Variants in PHKB observed in about 807,000 individuals in gnomAD.
PHKB encodes phosphorylase b kinase regulatory subunit beta.
In PHKB, 122 loss-of-function variants were observed where a neutral mutation model predicts 152.1. That is an observed-to-expected ratio of 0.80 (90% CI 0.69 to 0.93). PHKB has a LOEUF of 0.93. Among genes scored for constraint, PHKB ranks in the 40% least tolerant of loss-of-function variants. PHKB has a pLI of 0.00. For synonymous variants in PHKB, 436 were observed against 464.9 expected, an observed-to-expected ratio of 0.94 and a Z score of 0.80; for missense variants, 1,304 against 1,328.4, an observed-to-expected ratio of 0.98 and a Z score of 0.29.
chr16:47,539,542 C>T (rs372295424), intron 6 of PHKB, among the ~76,000 whole-genome samples: 2 of 151,644 alleles, frequency 1.3e-5, no homozygotes, highest in East Asian at 1.9e-4. Context: ...TGGATACATT[C>T]CATTGGAGCA....
chr16:47,613,465 GC>G (rs1972463610), intron 14 of PHKB, among the ~76,000 whole-genome samples: 1 of 152,152 alleles, frequency 6.6e-6, no homozygotes, highest in South Asian at 2.1e-4. Flanking sequence ...GCACCAGCCA[GC>G]CCCACAGGGA....
At chr16:47,592,115 A>G (rs1442549720) in intron 10 of PHKB, among the ~76,000 whole-genome samples, 19 of 152,232 alleles carry the variant, frequency 1.2e-4, no homozygotes, top group Admixed American at 1.2e-3. Context: ...CCACAATGTC[A>G]GTAGTGCTGA....
chr16:47,590,230 T>C (rs536226058), intron 10 of PHKB: 2 of 152,224 alleles, frequency 1.3e-5, no homozygotes, highest in African/African-American at 4.8e-5. Context: ...TTTTAAAATT[T>C]AACATACACT....
At chr16:47,635,417 A>G (rs1972901596) in intron 14 of PHKB, among the ~76,000 whole-genome samples, 1 of 152,020 alleles carries the variant, frequency 6.6e-6, no homozygotes, top group Non-Finnish European at 1.5e-5. Context: ...AGTTTTTGTC[A>G]CTGTTTTGTT....
rs945657281 is a variant in PHKB at position 47,669,251 on chromosome 16, A to G, written c.2464A>G (p.Ile822Val). Reference sequence around the variant, plus strand: ...TGCCTTTGGGCATGAAGAAGAAGTTATCTCTAATCCTTTGTCTCCAAGAGT... The same window carrying G: ...TGCCTTTGGGCATGAAGAAGAAGTTGTCTCTAATCCTTTGTCTCCAAGAGT... Reference protein sequence around the residue: ...LGAFGHEEEVISNPLSPRVIQ... With the variant: ...LGAFGHEEEVVSNPLSPRVIQ... The change falls in exon 26 of 31, where the codon ATC becomes GTC. Residue 822 changes from isoleucine (I) to valine (V), a missense_variant. Coordinates refer to ENST00000323584, the MANE Select transcript of PHKB (RefSeq NM_000293.3). The G allele has an allele frequency of 6.2e-7, 1 of 1,614,100 alleles. No individual in the cohort carries two copies. Among genetic ancestry groups the G allele is most frequent in the Non-Finnish European group, 8.5e-7 (1 of 1,179,998 alleles).
chr16:47,665,707 T>C (rs1973526056), intron 25 of PHKB: 1 of 592,410 alleles, frequency 1.7e-6, no homozygotes, highest in Non-Finnish European at 3.0e-6. Context: ...ATCAATAATA[T>C]TTTTGTCACA....
chr16:47,682,347 C>T (rs1973876158), intron 26 of PHKB, among the ~76,000 whole-genome samples: 1 of 152,098 alleles, frequency 6.6e-6, no homozygotes, highest in African/African-American at 2.4e-5. Flanking sequence ...GGATCATATC[C>T]CTCAGAGTGT....
chr16:47,547,869 C>T (rs1180626019), intron 7 of PHKB: 3 of 332,420 alleles, frequency 9.0e-6, no homozygotes, highest in Non-Finnish European at 1.7e-5. Context: ...TTTGAAATTA[C>T]CTCATTTGAA....
intron 13 of PHKB, among the ~76,000 whole-genome samples, chr16:47,603,743 A>T (rs544955638): frequency 6.6e-6 from 1 of 152,168 alleles, no homozygotes; most frequent in African/African-American, 2.4e-5. Context: ...GAGCTCGGGC[A>T]ATCTGCCCGC....
chr16:47,634,662 T>C (rs1256151677), intron 14 of PHKB, among the ~76,000 whole-genome samples: 1 of 152,186 alleles, frequency 6.6e-6, no homozygotes, highest in Non-Finnish European at 1.5e-5. Context: ...GCATTCATTC[T>C]GCAACCTGGA....
chr16:47,579,252 T>C lies in PHKB; in HGVS notation c.711-1043T>C, dbSNP rs536631489. 2.1e-4 allele frequency among the ~76,000 whole-genome samples: 32 copies of C among 152,346 alleles called. No homozygotes were observed. In the East Asian group the frequency reaches 6.0e-3, roughly 28 times the overall value. On this transcript the variant is annotated intron_variant, in intron 7 of 30. Coordinates refer to ENST00000323584, the MANE Select transcript of PHKB (RefSeq NM_000293.3). ...ATTGTCCTGCAATAAAAGTGATGAT[T>C]TCTTAAAAACAGGTTATGAAACAAC...
chr16:47,566,197 A>G (rs930959823), intron 7 of PHKB: 24 of 722,430 alleles, frequency 3.3e-5, no homozygotes, highest in African/African-American at 1.0e-4. Context: ...TACTCATCAC[A>G]ATACCAATCT....
intron 26 of PHKB, among the ~76,000 whole-genome samples, chr16:47,678,714 G>T (rs1973785963): frequency 6.6e-6 from 1 of 151,898 alleles, no homozygotes; most frequent in South Asian, 2.1e-4. Flanking sequence ...CTCCCATTCT[G>T]TAGGTTGCCT....
intron 14 of PHKB, among the ~76,000 whole-genome samples, chr16:47,612,495 G>A (rs1972446327): frequency 6.6e-6 from 1 of 152,186 alleles, no homozygotes. Context: ...GCTCAAGAAA[G>A]CTTATCAGGA....
intron 7 of PHKB, among the ~76,000 whole-genome samples, chr16:47,564,599 G>C (rs1426639999): frequency 6.6e-6 from 1 of 152,078 alleles, no homozygotes; most frequent in Non-Finnish European, 1.5e-5. Context: ...GGATCCATTG[G>C]TGGTTTAGTT....
chr16:47,686,582 T>C (rs1220097327), intron 26 of PHKB, among the ~76,000 whole-genome samples: 1 of 152,190 alleles, frequency 6.6e-6, no homozygotes, highest in Non-Finnish European at 1.5e-5. Context: ...AATCTGCCAG[T>C]GGGGCACAGT....
At chr16:47,473,461 T>C (rs1325459075) in intron 1 of PHKB, among the ~76,000 whole-genome samples, 1 of 151,982 alleles carries the variant, frequency 6.6e-6, no homozygotes, top group Non-Finnish European at 1.5e-5. Context: ...AAATGGTTTT[T>C]AAAAGATGAA....
At chr16:47,554,731 C>T (rs1306569897) in intron 7 of PHKB, among the ~76,000 whole-genome samples, 1 of 152,106 alleles carries the variant, frequency 6.6e-6, no homozygotes, top group Admixed American at 6.6e-5. Context: ...TATCGTTCCT[C>T]GCAGCATAGT....
chr16:47,531,182 A>G (rs781349952), intron 6 of PHKB, among the ~76,000 whole-genome samples: 1 of 152,184 alleles, frequency 6.6e-6, no homozygotes, highest in Non-Finnish European at 1.5e-5. Flanking sequence ...ATGGAGTTAG[A>G]TTTATGAAAG....
Sources: gnomAD v4.1 joint callset for allele counts (sites outside exome capture counted in the v4.1 genomes callset) on GRCh38, gnomAD v4.1.1 for gene constraint, MANE v1.5 for transcripts, NCBI Gene and HGNC (gene_info 2026-07-23, HGNC 2026-07-21) for gene names.